Variants in EIPR1 observed in about 807,000 individuals in gnomAD.
EIPR1 encodes EARP complex and GARP complex interacting protein 1.
In EIPR1, 25 loss-of-function variants were observed where a neutral mutation model predicts 48.1. The observed-to-expected ratio is 0.52, with a 90% CI of 0.38 to 0.73. The LOEUF (loss-of-function observed/expected upper bound fraction) is 0.73, where lower values mean the gene tolerates loss of function less well. Among genes scored for constraint, EIPR1 ranks in the 30% least tolerant of loss-of-function variants. EIPR1 has a pLI of 0.00. For missense variants in EIPR1, 415 were observed against 506.2 expected (o/e 0.82, Z 1.73); for synonymous variants, 204 against 201.9 (o/e 1.01, Z -0.09).
chr2:3,215,144 A>G (rs1665588160), intron 4 of EIPR1, among the ~76,000 whole-genome samples: 1 of 152,234 alleles, frequency 6.6e-6, no homozygotes, highest in Non-Finnish European at 1.5e-5. Flanking sequence ...ACACTCACCA[A>G]CGTGGGCTTC....
At chr2:3,353,637 G>A (rs748485960) in intron 2 of EIPR1, among the ~76,000 whole-genome samples, 8 of 151,994 alleles carry the variant, frequency 5.3e-5, no homozygotes, top group South Asian at 2.1e-4. Context: ...AATATTCTTC[G>A]TGTATAATGA....
At chr2:3,297,018 C>T (rs187403417) in intron 3 of EIPR1, among the ~76,000 whole-genome samples, 24 of 146,596 alleles carry the variant, frequency 1.6e-4, no homozygotes, top group African/African-American at 2.8e-4. Flanking sequence ...GGCACCCATC[C>T]GGCAGGCAGG....
chr2:3,346,117 G>A (rs908320823), intron 2 of EIPR1, among the ~76,000 whole-genome samples: 2 of 152,222 alleles, frequency 1.3e-5, no homozygotes, highest in Admixed American at 6.5e-5. Context: ...CCCACAAACC[G>A]AGCATAGGCC....
intron 3 of EIPR1, among the ~76,000 whole-genome samples, chr2:3,333,793 T>C (rs1441511206): frequency 1.3e-5 from 2 of 149,094 alleles, no homozygotes; most frequent in African/African-American, 4.9e-5. Context: ...TTTTAGGACA[T>C]CTGTGAAGAA....
intron 3 of EIPR1, among the ~76,000 whole-genome samples, chr2:3,295,408 C>T (rs569057824): frequency 2.2e-5 from 3 of 134,720 alleles, no homozygotes; most frequent in South Asian, 2.6e-4. Context: ...ACACACACAC[C>T]CTCCATCCAG....
chr2:3,201,494 C>T (rs560034559), intron 5 of EIPR1, among the ~76,000 whole-genome samples: 2 of 152,280 alleles, frequency 1.3e-5, no homozygotes, highest in African/African-American at 4.8e-5. Flanking sequence ...GTGCGGGAGG[C>T]GGGCTCCCAG....
intron 1 of EIPR1, among the ~76,000 whole-genome samples, chr2:3,371,633 GAAGCCCATTACTTAAGGGTAAAGGGATC>G (rs1671116603): frequency 6.6e-6 from 1 of 152,194 alleles, no homozygotes; most frequent in African/African-American, 2.4e-5. Context: ...AAGAGACAAA[GAAGCCCATTACTTAAGGGTAAAGGGATC>G]AATTCAACAA....
At chr2:3,195,963 T>C (rs1664787958) in intron 6 of EIPR1, among the ~76,000 whole-genome samples, 1 of 152,218 alleles carries the variant, frequency 6.6e-6, no homozygotes, top group South Asian at 2.1e-4. Flanking sequence ...TGTTTTCAGA[T>C]ACTGAAATTC....
chr2:3,301,165 C>CA (rs1345961354), intron 3 of EIPR1: 30 of 152,160 alleles, frequency 2.0e-4, no homozygotes, highest in Non-Finnish European at 4.4e-5. Flanking sequence ...CACGGGCACG[C>CA]AAGTTCCTCT....
At chr2:3,369,918 C>T (rs569643201) in intron 1 of EIPR1, among the ~76,000 whole-genome samples, 23 of 152,152 alleles carry the variant, frequency 1.5e-4, no homozygotes, top group Admixed American at 5.9e-4. Flanking sequence ...GATCTGAGAA[C>T]GGGCAGACTG....
intron 3 of EIPR1, among the ~76,000 whole-genome samples, chr2:3,299,032 C>G (rs943492898): frequency 6.6e-6 from 1 of 152,194 alleles, no homozygotes; most frequent in African/African-American, 2.4e-5. Flanking sequence ...CCCACAGATA[C>G]AGGAAAGCCC....
chr2:3,231,201 T>A (rs1023317833), intron 4 of EIPR1, among the ~76,000 whole-genome samples: 2 of 152,258 alleles, frequency 1.3e-5, no homozygotes, highest in African/African-American at 4.8e-5. Flanking sequence ...AGATTTTGTA[T>A]CCTGCAACTT....
At chr2:3,220,790 C>T (rs112442429) in intron 4 of EIPR1, among the ~76,000 whole-genome samples, 19 of 127,816 alleles carry the variant, frequency 1.5e-4, no homozygotes, top group Non-Finnish European at 2.0e-4. Flanking sequence ...ACGGTGAGTC[C>T]GGAACACACG....
chr2:3,231,182 C>G (rs1389485090), intron 4 of EIPR1, among the ~76,000 whole-genome samples: 3 of 152,130 alleles, frequency 2.0e-5, no homozygotes, highest in Non-Finnish European at 4.4e-5. Flanking sequence ...GCAACTGATT[C>G]TTGTATGCAG....
chr2:3,285,273 G>A (rs1668144502), intron 3 of EIPR1, among the ~76,000 whole-genome samples: 1 of 152,028 alleles, frequency 6.6e-6, no homozygotes, highest in Non-Finnish European at 1.5e-5. Flanking sequence ...TCAAAGTCAG[G>A]GCTGGGGTCA....
chr2:3,320,930 G>C (rs912118625), intron 3 of EIPR1, among the ~76,000 whole-genome samples: 1 of 152,164 alleles, frequency 6.6e-6, no homozygotes, highest in Non-Finnish European at 1.5e-5. Context: ...AAAAAAATTA[G>C]AGCCCCAAAA....
intron 3 of EIPR1, among the ~76,000 whole-genome samples, chr2:3,266,372 C>T (rs932319034): frequency 2.0e-5 from 3 of 152,212 alleles, no homozygotes; most frequent in African/African-American, 7.2e-5. Context: ...TGGGCGCTCA[C>T]CTGATGCAGG....
At chr2:3,229,259 A>T (rs145049658) in intron 4 of EIPR1, among the ~76,000 whole-genome samples, 2 of 152,382 alleles carry the variant, frequency 1.3e-5, no homozygotes, top group East Asian at 3.9e-4. Flanking sequence ...GAAAACAATA[A>T]GAGCACAAGC....
chr2:3,209,138 G>A (rs978601130), intron 5 of EIPR1, among the ~76,000 whole-genome samples: 1 of 152,208 alleles, frequency 6.6e-6, no homozygotes, highest in African/African-American at 2.4e-5. Flanking sequence ...ACATACAACA[G>A]AGGGTGATTT....
Sources: allele counts gnomAD v4.1 joint callset (sites outside exome capture counted in the v4.1 genomes callset), GRCh38; gene constraint gnomAD v4.1.1; transcripts MANE v1.5; gene names NCBI Gene and HGNC (gene_info 2026-07-23, HGNC 2026-07-21).